MACROD2: variants seen among roughly 807,000 people sequenced by gnomAD.
MACROD2 encodes the protein mono-ADP ribosylhydrolase 2, also known as ADP-ribose glycohydrolase MACROD2.
MACROD2 carries 36 observed loss-of-function variants against 70.4 expected under a neutral mutation model. The observed-to-expected ratio is 0.51, with a 90% CI of 0.39 to 0.68. The LOEUF is 0.68. MACROD2 is among the 30% of genes least tolerant of loss of function. The pLI is 0.00. For missense variants in MACROD2, 496 were observed against 538.4 expected, an observed-to-expected ratio of 0.92 and a Z score of 0.78; for synonymous variants, 172 against 178.8, an observed-to-expected ratio of 0.96 and a Z score of 0.30.
chr20:15,061,134 T>A (rs1214149667), intron 5 of MACROD2, among the ~76,000 whole-genome samples: 1 of 152,200 alleles, frequency 6.6e-6, no homozygotes, highest in Non-Finnish European at 1.5e-5. Flanking sequence ...TATGCTCAGA[T>A]ATCTGGATTA....
chr20:15,665,093 T>A (rs1044174350), intron 8 of MACROD2, among the ~76,000 whole-genome samples: 8 of 152,172 alleles, frequency 5.3e-5, no homozygotes, highest in African/African-American at 1.9e-4. Flanking sequence ...CTCCTTGATA[T>A]AATTTGAAGT....
intron 4 of MACROD2, among the ~76,000 whole-genome samples, chr20:14,559,153 G>C (rs931127692): frequency 3.3e-5 from 5 of 151,686 alleles, no homozygotes; most frequent in Non-Finnish European, 7.4e-5. Context: ...TTTATATTTG[G>C]TAGCAATAAA....
chr20:14,834,269 G>T lies in MACROD2; in HGVS notation c.418+149310G>T, dbSNP rs117707234. Reference sequence around the variant, plus strand: ...CGCTAGTATGGTTTTTTTTTTTTAGGATTAACAATCAAACTTCAGAGGAAA... The same window carrying T: ...CGCTAGTATGGTTTTTTTTTTTTAGTATTAACAATCAAACTTCAGAGGAAA... On this transcript the variant is annotated intron_variant, in intron 5 of 17. Transcript: ENST00000684519. Among the ~76,000 whole-genome samples the T allele has an allele frequency of 3.2e-3, 477 of 150,538 alleles. 3 individuals are homozygous for T. The highest frequency in any genetic ancestry group is 4.6e-3 in the Non-Finnish European group (313 of 67,638).
intron 5 of MACROD2, among the ~76,000 whole-genome samples, chr20:14,736,328 G>A (rs1341918608): frequency 6.6e-6 from 1 of 152,154 alleles, no homozygotes; most frequent in East Asian, 1.9e-4. Flanking sequence ...AGGGAGACAG[G>A]AGTGGGGAGT....
At chr20:15,115,614 C>CA (rs1252236368) in intron 5 of MACROD2, among the ~76,000 whole-genome samples, 2 of 152,080 alleles carry the variant, frequency 1.3e-5, no homozygotes, top group Non-Finnish European at 2.9e-5. Context: ...ATTTTAGAAT[C>CA]AGAATCCTGA....
chr20:14,059,821 A>G (rs569978157), intron 2 of MACROD2, among the ~76,000 whole-genome samples: 32 of 152,356 alleles, frequency 2.1e-4, no homozygotes, highest in African/African-American at 7.7e-4. Flanking sequence ...AGTGCTATAA[A>G]GAAGATAAAA....
intron 3 of MACROD2, among the ~76,000 whole-genome samples, chr20:14,374,401 A>G (rs1159728154): frequency 6.6e-6 from 1 of 152,180 alleles, no homozygotes; most frequent in African/African-American, 2.4e-5. Flanking sequence ...TGTAAGGTCA[A>G]GCTTTGGTCA....
intron 3 of MACROD2, among the ~76,000 whole-genome samples, chr20:14,458,007 A>G (rs1047802187): frequency 6.6e-6 from 1 of 152,006 alleles, no homozygotes; most frequent in Non-Finnish European, 1.5e-5. Context: ...AGGCTGAGGC[A>G]GGAGAATTAC....
chr20:15,786,962 G>A (rs2147049586), intron 8 of MACROD2, among the ~76,000 whole-genome samples: 1 of 152,092 alleles, frequency 6.6e-6, no homozygotes, highest in African/African-American at 2.4e-5. Context: ...TTTTTGTTTT[G>A]TTTTGTTTTT....
intron 3 of MACROD2, among the ~76,000 whole-genome samples, chr20:14,330,316 GT>G (rs1330672709): frequency 1.3e-5 from 2 of 151,994 alleles, no homozygotes; most frequent in Admixed American, 6.6e-5. Context: ...ATTCGAATTG[GT>G]TATGCAGGGT....
intron 3 of MACROD2, among the ~76,000 whole-genome samples, chr20:14,206,843 T>C (rs1192453665): frequency 6.6e-6 from 1 of 152,162 alleles, no homozygotes; most frequent in Admixed American, 6.5e-5. Flanking sequence ...ACCAAGCATT[T>C]CCTACTTGCT....
chr20:14,382,805 G>C (rs1485673049), intron 3 of MACROD2, among the ~76,000 whole-genome samples: 3 of 152,028 alleles, frequency 2.0e-5, no homozygotes, highest in African/African-American at 7.3e-5. Flanking sequence ...AGTTATTCTT[G>C]AACCACCTTC....
At chr20:15,205,094 T>C (rs113886341) in intron 5 of MACROD2, among the ~76,000 whole-genome samples, 139 of 152,322 alleles carry the variant, frequency 9.1e-4, no homozygotes, top group Non-Finnish European at 1.7e-3. Flanking sequence ...TTAATCGTTA[T>C]CTCAAATAAT....
intron 5 of MACROD2, among the ~76,000 whole-genome samples, chr20:15,145,010 C>A (rs1277859440): frequency 1.3e-5 from 2 of 152,104 alleles, no homozygotes; most frequent in African/African-American, 4.8e-5. Context: ...TGGTGCCTGG[C>A]AACTGTTTGC....
intron 3 of MACROD2, among the ~76,000 whole-genome samples, chr20:14,428,752 A>G (rs1049742793): frequency 1.3e-5 from 2 of 152,296 alleles, no homozygotes; most frequent in South Asian, 2.1e-4. Flanking sequence ...TTACCCGTGA[A>G]GATAAATATG....
At position 14,015,519 on chromosome 20, in the gene MACROD2, A is replaced by G. The variant is rs2148620197; in HGVS notation, c.163+13115A>G. ...TTGAACCCAGGAGTTTGAGGCTGCG[A>G]TGAGCTGTGATTTGCACTACTGTAC... On this transcript the variant is annotated intron_variant, in intron 2 of 17. Coordinates refer to ENST00000684519, the MANE Select transcript of MACROD2 (RefSeq NM_001351661.2). Among the ~76,000 whole-genome samples the G allele has an allele frequency of 2.0e-5, 3 of 152,308 alleles. No homozygotes were observed. The Middle Eastern group carries it at 0.01, about 518-fold the overall frequency.
Position 14,817,386 on chromosome 20 carries a change from C to T in MACROD2, c.418+132427C>T, listed in dbSNP as rs147165288. Among the ~76,000 whole-genome samples the T allele has an allele frequency of 2.1e-3, 316 of 152,252 alleles. 2 individuals carry two copies. The highest frequency in any genetic ancestry group is 7.0e-3 in the African/African-American group (292 of 41,554). On this transcript the variant is annotated intron_variant, in intron 5 of 17. Coordinates refer to ENST00000684519, the MANE Select transcript of MACROD2 (RefSeq NM_001351661.2). ...CTGTTGCCCCTGTGGCTCATACATG[C>T]GTCGTGTTGAAAACCACATGTAAAA...
chr20:15,573,719 C>A (rs1033756497), intron 8 of MACROD2, among the ~76,000 whole-genome samples: 1 of 152,110 alleles, frequency 6.6e-6, no homozygotes, highest in Non-Finnish European at 1.5e-5. Flanking sequence ...GAGCCTCCCC[C>A]TTCTGAATCT....
At chr20:14,546,926 C>CT (rs369350423) in intron 4 of MACROD2, among the ~76,000 whole-genome samples, 181 of 147,884 alleles carry the variant, frequency 1.2e-3, no homozygotes, top group African/African-American at 2.1e-3. Context: ...TGTATTTTCT[C>CT]TTTTTTTTTT....
Sources: gnomAD v4.1 joint callset for allele counts (sites outside exome capture counted in the v4.1 genomes callset) on GRCh38, gnomAD v4.1.1 for gene constraint, MANE v1.5 for transcripts, NCBI Gene and HGNC (gene_info 2026-07-23, HGNC 2026-07-21) for gene names.